The following PDHX variants were observed in gnomAD, a reference collection of about 807,000 sequenced individuals.
PDHX encodes pyruvate dehydrogenase protein X component, mitochondrial.
A neutral mutation model predicts 55.3 loss-of-function variants in PDHX; 33 were observed. The observed-to-expected ratio is 0.60, with a 90% confidence interval of 0.45 to 0.80. The LOEUF (loss-of-function observed/expected upper bound fraction) is 0.80, where lower values mean the gene tolerates loss of function less well. Ranked by LOEUF, PDHX falls within the 30% of genes least tolerant of loss-of-function variation. PDHX has a pLI of 0.00. For missense variants in PDHX, 622 were observed against 619.9 expected, an observed-to-expected ratio of 1.00 and a Z score of -0.04; for synonymous variants, 226 against 219.4, an observed-to-expected ratio of 1.03 and a Z score of -0.27.
At position 34,960,451 on chromosome 11, in the gene PDHX, C is replaced by T; in HGVS notation, c.574C>T (p.Leu192=). The T allele has an allele frequency of 6.2e-7, 1 of 1,613,296 alleles. No individual in the cohort carries two copies. Among genetic ancestry groups the T allele is most frequent in the South Asian group, 1.1e-5 (1 of 91,050 alleles). Residue 192 remains leucine (L), a synonymous_variant, in exon 5 of 11, where the codon CTG becomes TTG. Transcript: ENST00000227868. The part of the protein sequence containing the change: ...FRLSPAARNI[L]EKHSLDASQG... ...TTTAAGTCCAGCTGCCCGCAATATT[C>T]TGGAAAAACACTCACTGGATGCTAG...
At position 34,994,924 on chromosome 11, in the gene PDHX, T is replaced by A. The variant is rs772326730; in HGVS notation, c.1258T>A (p.Leu420Met). The A allele has an allele frequency of 6.2e-7, 1 of 1,613,932 alleles. No individual in the cohort carries two copies. Among genetic ancestry groups the A allele is most frequent in the Non-Finnish European group, 8.5e-7 (1 of 1,179,858 alleles). Reference sequence around the variant, plus strand: ...TTCTTTTCCCCCTAGTATTTCCAACTTGGGGATGTTTGGCATCGACGAATT... The same window carrying A: ...TTCTTTTCCCCCTAGTATTTCCAACATGGGGATGTTTGGCATCGACGAATT... ...YQGGSFSISN[L>M]GMFGIDEFTA... The change falls in exon 11 of 11, where the codon TTG (leucine) becomes ATG (methionine). Residue 420 changes from leucine to methionine, a missense_variant. Transcript: ENST00000227868.
intron 3 of PDHX, among the ~76,000 whole-genome samples, chr11:34,955,179 TCCATGGAGGTACCATGAGCTA>T (rs1304082487): frequency 2.0e-5 from 3 of 152,178 alleles, no homozygotes; most frequent in Admixed American, 6.5e-5. Flanking sequence ...GCAGAGTGTA[TCCATGGAGGTACCATGAGCTA>T]CCATGGAGGT....
At position 34,947,561 on chromosome 11, in the gene PDHX, G is replaced by A; in HGVS notation, c.297G>A (p.Val99=). The change falls in exon 3 of 11, where the codon GTG becomes GTA. Residue 99 remains valine, a synonymous_variant. Transcript: ENST00000227868. Reference sequence around the variant, plus strand: ...GTGAAATTGAGACTGACAAAGCTGTGGTTACCTTAGATGCAAGTGATGATG... The same window carrying A: ...GTGAAATTGAGACTGACAAAGCTGTAGTTACCTTAGATGCAAGTGATGATG... ...ALCEIETDKA[V]VTLDASDDGI... The A allele has an allele frequency of 1.9e-6, 3 of 1,613,524 alleles. No individual in the cohort carries two copies. Among genetic ancestry groups the A allele is most frequent in the Non-Finnish European group, 2.5e-6 (3 of 1,179,560 alleles).
rs1424241314 is a variant in PDHX at position 34,950,997 on chromosome 11, G to GT, written c.342+3392dup. On this transcript the variant is annotated intron_variant, in intron 3 of 10. Coordinates refer to ENST00000227868, the MANE Select transcript of PDHX (RefSeq NM_003477.3). ...ACTAGTTTACAGTCCCACCAGCAGTGTAAAAGTATTCCTATTTCTCCACAT... is the reference window on the plus strand; with the variant it reads ...ACTAGTTTACAGTCCCACCAGCAGTGTTAAAAGTATTCCTATTTCTCCACAT... Among the ~76,000 whole-genome samples the GT allele has an allele frequency of 2.0e-3, 288 of 144,650 alleles. 2 individuals carry two copies. In the Middle Eastern group the frequency reaches 0.033, roughly 16 times the overall value. 94.9% of individuals were successfully genotyped at this position (144,650 alleles called of 152,430 possible).
At chr11:34,969,461 A>T (rs751014048) in intron 6 of PDHX, among the ~76,000 whole-genome samples, 1 of 150,640 alleles carries the variant, frequency 6.6e-6, no homozygotes, top group African/African-American at 2.5e-5. Flanking sequence ...CTGCTGCCTC[A>T]GCCTCCTGAG....
upstream of PDHX, chr11:34,916,385 G>A (rs780153979): frequency 5.4e-5 from 84 of 1,547,626 alleles, no homozygotes; most frequent in Admixed American, 1.6e-3. Flanking sequence ...CAATCAGGCG[G>A]CGCTGAGGGC....
At chr11:34,919,771 G>A (rs779128862) in intron 1 of PDHX, among the ~76,000 whole-genome samples, 1 of 152,190 alleles carries the variant, frequency 6.6e-6, no homozygotes, top group Non-Finnish European at 1.5e-5. Context: ...CATTATTGAA[G>A]AATGAGTGAA....
intron 6 of PDHX, 112 bp from the exon 7 acceptor site, chr11:34,970,027 A>G (rs770353059): frequency 1.4e-5 from 12 of 858,992 alleles, no homozygotes; most frequent in Admixed American, 8.0e-5. Flanking sequence ...TCTTTAATTA[A>G]TAAGTTAGGT....
intron 9 of PDHX, chr11:34,985,003 A>G (rs966599868): frequency 2.7e-6 from 1 of 364,548 alleles, no homozygotes; most frequent in Non-Finnish European, 5.0e-6. Flanking sequence ...TTTATTTTCC[A>G]AAGTCCAGAA....
chr11:34,970,434 G>T (rs1360781795), intron 7 of PDHX, 148 bp downstream of exon 7: 5 of 686,700 alleles, frequency 7.3e-6, no homozygotes, highest in Non-Finnish European at 1.2e-5. Flanking sequence ...GGGTATATTT[G>T]TGCTAGAGGA....
At chr11:34,952,622 C>G (rs556187189) in intron 3 of PDHX, among the ~76,000 whole-genome samples, 286 of 151,930 alleles carry the variant, frequency 1.9e-3, no homozygotes, top group Non-Finnish European at 3.6e-3. Flanking sequence ...CCGAAAAGGC[C>G]TTTGACAAAA....
intron 9 of PDHX, among the ~76,000 whole-genome samples, chr11:34,988,643 T>A (rs891692304): frequency 6.6e-6 from 1 of 151,982 alleles, no homozygotes; most frequent in African/African-American, 2.4e-5. Context: ...TCAACAGTTA[T>A]ACCAAATGCA....
At chr11:34,947,899 C>G (rs1170634201) in intron 3 of PDHX, among the ~76,000 whole-genome samples, 1 of 152,106 alleles carries the variant, frequency 6.6e-6, no homozygotes, top group Non-Finnish European at 1.5e-5. Context: ...AGAAACATGA[C>G]TATTTAGCAT....
At position 34,980,352 on chromosome 11, in the gene PDHX, CTTTT is replaced by C. The variant is rs57927359; in HGVS notation, c.1023+2181_1023+2184del. ...TTTTTAATAAGGTTTAAGATAGTTT[CTTTT>C]TTTTTTTTTTGAGCAGCAGCAAGAT... On this transcript the variant is annotated intron_variant, in intron 8 of 10. Transcript: ENST00000227868. Among the ~76,000 whole-genome samples the C allele has an allele frequency of 6.3e-3, 469 of 74,884 alleles. 41 individuals carry two copies. Among genetic ancestry groups the C allele is most frequent in the Admixed American group, 0.049 (311 of 6,370 alleles). 49.1% of individuals were successfully genotyped at this position (74,884 alleles called of 152,430 possible). A position where few individuals can be genotyped will look rare whatever the true frequency, so the allele number is the denominator to read the frequency against.
chr11:34,960,483 C>T lies in PDHX; in HGVS notation c.606C>T (p.Gly202=), dbSNP rs1200124754. 1.2e-6 allele frequency: 2 copies of T among 1,611,714 alleles called. No individual in the cohort carries two copies. Among genetic ancestry groups the T allele is most frequent in the African/African-American group, 1.3e-5 (1 of 74,846 alleles). Reference sequence around the variant, plus strand: ...AACACTCACTGGATGCTAGCCAGGGCACAGCCACTGGCCCTCGGGGGATAT... The same window carrying T: ...AACACTCACTGGATGCTAGCCAGGGTACAGCCACTGGCCCTCGGGGGATAT... ...LEKHSLDASQ[G]TATGPRGIFT... The change falls in exon 5 of 11, where the codon GGC becomes GGT. Residue 202 remains glycine, a synonymous_variant. Transcript: ENST00000227868.
At chr11:34,967,436 CATGTCTTAAGTGTGATACTAATAA>C (rs1333737831) in intron 6 of PDHX, among the ~76,000 whole-genome samples, 1 of 152,166 alleles carries the variant, frequency 6.6e-6, no homozygotes, top group African/African-American at 2.4e-5. Context: ...TCTCATGTTT[CATGTCTTAAGTGTGATACTAATAA>C]TTAGTAGCTG....
chr11:34,992,475 TA>T, intron 10 of PDHX, 96 bp downstream of exon 10: 1 of 709,426 alleles, frequency 1.4e-6, no homozygotes, highest in Non-Finnish European at 2.5e-6. Flanking sequence ...AAATATTTTT[TA>T]AAATTTAAGC....
intron 5 of PDHX, 108 bp from the exon 6 acceptor site, chr11:34,966,532 C>A: frequency 9.9e-7 from 1 of 1,010,634 alleles, no homozygotes; most frequent in Non-Finnish European, 1.6e-6. Context: ...ATAACCTTGA[C>A]ATCTGTATAT....
chr11:34,936,278 C>T (rs1287937045), intron 2 of PDHX, among the ~76,000 whole-genome samples: 1 of 152,096 alleles, frequency 6.6e-6, no homozygotes, highest in East Asian at 1.9e-4. Flanking sequence ...TAGACCCAAC[C>T]AAGTCTGTTT....
Sources: gnomAD v4.1 joint callset for allele counts (sites outside exome capture counted in the v4.1 genomes callset) on GRCh38, gnomAD v4.1.1 for gene constraint, MANE v1.5 for transcripts, NCBI Gene and HGNC (gene_info 2026-07-23, HGNC 2026-07-21) for gene names.